CACNA2D1: variants seen among roughly 807,000 people sequenced by gnomAD.
CACNA2D1 encodes calcium voltage-gated channel auxiliary subunit alpha2delta 1, also known as voltage-dependent calcium channel subunit alpha-2/delta-1.
A neutral mutation model predicts 171.5 loss-of-function variants in CACNA2D1; 53 were observed. The ratio of observed to expected loss-of-function variants is 0.31; its 90% CI spans 0.25 to 0.39. The LOEUF (loss-of-function observed/expected upper bound fraction) is 0.39. CACNA2D1 is among the 10% of genes least tolerant of loss of function. The pLI is 1.00. For synonymous variants in CACNA2D1, 442 were observed against 443.1 expected (o/e 1.00, Z 0.03); for missense variants, 903 against 1,299.8 (o/e 0.69, Z 4.69).
chr7:82,078,162 T>C (rs1459526246), intron 7 of CACNA2D1, among the ~76,000 whole-genome samples: 1 of 152,184 alleles, frequency 6.6e-6, no homozygotes, highest in African/African-American at 2.4e-5. Flanking sequence ...TATTGTAATC[T>C]CATAGTTTTG....
At chr7:82,153,552 C>G (rs1389369584) in intron 4 of CACNA2D1, among the ~76,000 whole-genome samples, 1 of 151,958 alleles carries the variant, frequency 6.6e-6, no homozygotes, top group Non-Finnish European at 1.5e-5. Context: ...AAAGTGGTAT[C>G]TAAAATTGAC....
At chr7:82,200,605 T>C (rs1799311734) in intron 3 of CACNA2D1, among the ~76,000 whole-genome samples, 1 of 152,214 alleles carries the variant, frequency 6.6e-6, no homozygotes. Context: ...TCTGTTCATT[T>C]ATTTCTTGAA....
In CACNA2D1 at chr7:82,344,775, G is replaced by A. The variant is rs545589315; in HGVS notation, c.177+4793C>T. Among the ~76,000 whole-genome samples, 9 of 152,216 alleles carry A rather than the reference G, an allele frequency of 5.9e-5. No individual in the cohort carries two copies. The South Asian group carries it at 1.9e-3, about 32-fold the overall frequency. The stretch of plus-strand genomic sequence containing the variant: ...ATTTTAAATTGCCTACATCGTTATG[G>A]TGCTGATTTAGTTACAGCACTTAAT... On this transcript the variant is annotated intron_variant, in intron 2 of 38. Coordinates refer to ENST00000356860, the MANE Select transcript of CACNA2D1 (RefSeq NM_000722.4).
chr7:82,362,383 G>A (rs1003320339), intron 1 of CACNA2D1, among the ~76,000 whole-genome samples: 1 of 152,124 alleles, frequency 6.6e-6, no homozygotes, highest in African/African-American at 2.4e-5. Flanking sequence ...TGAATCATAT[G>A]TGATTCAGCA....
chr7:82,080,402 G>T (rs1320257134), intron 7 of CACNA2D1, among the ~76,000 whole-genome samples: 1 of 152,024 alleles, frequency 6.6e-6, no homozygotes, highest in Non-Finnish European at 1.5e-5. Context: ...TATATATCTG[G>T]ACGAATAGGC....
At chr7:82,103,449 A>G (rs1812929708) in intron 6 of CACNA2D1, among the ~76,000 whole-genome samples, 1 of 152,212 alleles carries the variant, frequency 6.6e-6, no homozygotes, top group South Asian at 2.1e-4. Context: ...AAGGAATATT[A>G]TAACACTGTG....
chr7:82,345,943 C>T (rs1819204483), intron 2 of CACNA2D1, among the ~76,000 whole-genome samples: 2 of 152,074 alleles, frequency 1.3e-5, no homozygotes, highest in Admixed American at 1.3e-4. Flanking sequence ...CTGTCCCCTT[C>T]CATTGTGACA....
At chr7:82,227,676 C>T (rs1802500210) in intron 3 of CACNA2D1, among the ~76,000 whole-genome samples, 1 of 152,132 alleles carries the variant, frequency 6.6e-6, no homozygotes, top group Non-Finnish European at 1.5e-5. Context: ...TGCTCTGCTA[C>T]TTATTCCAGG....
chr7:82,023,502 A>G (rs1180269871), intron 12 of CACNA2D1, among the ~76,000 whole-genome samples: 1 of 151,834 alleles, frequency 6.6e-6, no homozygotes, highest in East Asian at 1.9e-4. Flanking sequence ...TGATTCATCT[A>G]GATGAAATAT....
At chr7:82,088,258 T>C (rs1231749564) in intron 6 of CACNA2D1, among the ~76,000 whole-genome samples, 2 of 152,180 alleles carry the variant, frequency 1.3e-5, no homozygotes, top group East Asian at 1.9e-4. Context: ...TAGTCTCTCC[T>C]GTTTTCCTGA....
chr7:82,427,556 T>A (rs143852900), intron 1 of CACNA2D1, among the ~76,000 whole-genome samples: 4 of 152,300 alleles, frequency 2.6e-5, no homozygotes, highest in African/African-American at 9.6e-5. Flanking sequence ...CTGCTTCTAA[T>A]CAGAGTATAT....
intron 2 of CACNA2D1, among the ~76,000 whole-genome samples, chr7:82,335,828 A>C (rs1488061860): frequency 6.6e-6 from 1 of 152,188 alleles, no homozygotes; most frequent in Non-Finnish European, 1.5e-5. Flanking sequence ...TAATCAAAGT[A>C]AATGTTGCTG....
intron 10 of CACNA2D1, among the ~76,000 whole-genome samples, chr7:82,060,153 TTATATATATATA>T (rs1562980597): frequency 2.0e-4 from 8 of 39,852 alleles, no homozygotes; most frequent in African/African-American, 5.7e-4. Flanking sequence ...TATATATGTA[TTATATATATATA>T]ATATATATAT....
At chr7:82,130,461 T>A (rs778813087) in intron 5 of CACNA2D1, among the ~76,000 whole-genome samples, 32 of 152,096 alleles carry the variant, frequency 2.1e-4, no homozygotes, top group Non-Finnish European at 4.3e-4. Context: ...TATAATAATG[T>A]ATCATAATTA....
intron 3 of CACNA2D1, among the ~76,000 whole-genome samples, chr7:82,281,338 C>A (rs1810073936): frequency 6.6e-6 from 1 of 152,208 alleles, no homozygotes; most frequent in South Asian, 2.1e-4. Flanking sequence ...GAGACGCAGT[C>A]CCATGTCAGT....
At position 82,111,428 on chromosome 7, in the gene CACNA2D1, GTATA is replaced by G. The variant is rs1201539599; in HGVS notation, c.526+5612_526+5615del. Reference sequence around the variant, plus strand: ...TATTCATATATGTGTATATATGTGTGTATATATATATATATATTTTTTTTTTTTT... The same window carrying G: ...TATTCATATATGTGTATATATGTGTGTATATATATATATTTTTTTTTTTTT... On this transcript the variant is annotated intron_variant, in intron 6 of 38. Coordinates refer to ENST00000356860, the MANE Select transcript of CACNA2D1 (RefSeq NM_000722.4). Among the ~76,000 whole-genome samples the G allele has an allele frequency of 2.6e-4, 13 of 50,402 alleles. 4 individuals carry two copies. Among genetic ancestry groups the G allele is most frequent in the South Asian group, 7.0e-4 (1 of 1,430 alleles). 33.1% of individuals were successfully genotyped at this position (50,402 alleles called of 152,430 possible). A position where few individuals can be genotyped will look rare whatever the true frequency, so the allele number is the denominator to read the frequency against.
At chr7:82,399,676 C>T (rs111829132) in intron 1 of CACNA2D1, among the ~76,000 whole-genome samples, 23,207 of 144,084 alleles carry the variant, frequency 0.16, 2,359 homozygotes, top group Non-Finnish European at 0.21. Flanking sequence ...GATTCCATCT[C>T]CCTCCCACTC....
chr7:81,964,472 T>A, intron 32 of CACNA2D1, 113 bp from the exon 33 acceptor site: 1 of 800,392 alleles, frequency 1.2e-6, no homozygotes, highest in Non-Finnish European at 2.0e-6. Context: ...GAACTACAAC[T>A]GAGGAGCTTA....
At chr7:82,430,833 T>C (rs1184332927) in intron 1 of CACNA2D1, among the ~76,000 whole-genome samples, 2 of 152,238 alleles carry the variant, frequency 1.3e-5, no homozygotes, top group East Asian at 1.9e-4. Flanking sequence ...GAATCATTTC[T>C]ATAAACATCC....
Sources: allele counts gnomAD v4.1 joint callset (sites outside exome capture counted in the v4.1 genomes callset), GRCh38; gene constraint gnomAD v4.1.1; transcripts MANE v1.5; gene names NCBI Gene and HGNC (gene_info 2026-07-23, HGNC 2026-07-21).